Variants in NTM observed in about 807,000 individuals in gnomAD.
The protein encoded by NTM is neurotrimin.
In NTM, 13 loss-of-function variants were observed where a neutral mutation model predicts 42.1. The ratio of observed to expected loss-of-function variants is 0.31; its 90% CI spans 0.20 to 0.49. NTM has a LOEUF of 0.49. NTM is among the 20% of genes least tolerant of loss of function. The pLI is 0.99. For missense variants in NTM, 373 were observed against 452.8 expected (o/e 0.82, Z 1.60); for synonymous variants, 187 against 179.2 (o/e 1.04, Z -0.35).
rs1054888103 is a variant in NTM at position 131,374,151 on chromosome 11, G to C, written c.82+3263G>C. Among the ~76,000 whole-genome samples, 4 of 152,236 alleles carry C rather than the reference G, an allele frequency of 2.6e-5. No individual in the cohort carries two copies. The East Asian group carries it at 7.7e-4, about 29-fold the overall frequency. On this transcript the variant is annotated intron_variant, in intron 1 of 8. Transcript: ENST00000683400. ...ATTGTGGGCTCTTGGAAGCATGGCA[G>C]TAAGGGGAGGGCGTCAGGGAGCCTC...
chr11:131,870,985 T>A (rs2137076576), intron 1 of NTM, among the ~76,000 whole-genome samples: 1 of 152,286 alleles, frequency 6.6e-6, no homozygotes, highest in South Asian at 2.1e-4. Context: ...CTAACCTAAA[T>A]ACAGAATCTA....
rs549656908 is a variant in NTM, at chr11:131,506,263, T to C, written c.82+135375T>C. Among the ~76,000 whole-genome samples the C allele has an allele frequency of 4.6e-5, 7 of 152,312 alleles. No homozygotes were observed. The South Asian group carries it at 1.5e-3, about 32-fold the overall frequency. ...CGGAGGGCTTTTCTCAGGGGGTTTA[T>C]GGACCAAGGACATCTGGTGCCTGAG... On this transcript the variant is annotated intron_variant, in intron 1 of 8. Transcript: ENST00000683400.
chr11:131,448,956 C>T (rs1487408630), intron 1 of NTM, among the ~76,000 whole-genome samples: 1 of 152,180 alleles, frequency 6.6e-6, no homozygotes, highest in Non-Finnish European at 1.5e-5. Context: ...AGCTTTTGTC[C>T]ATCCACTGAG....
At chr11:131,497,264 C>T (rs577892865) in intron 1 of NTM, among the ~76,000 whole-genome samples, 1 of 152,310 alleles carries the variant, frequency 6.6e-6, no homozygotes, top group African/African-American at 2.4e-5. Flanking sequence ...TCTCGGCCCA[C>T]TGCATCCTCT....
chr11:131,866,447 G>A (rs1033019518), intron 1 of NTM, among the ~76,000 whole-genome samples: 23 of 152,238 alleles, frequency 1.5e-4, no homozygotes, highest in Non-Finnish European at 3.2e-4. Flanking sequence ...CCTTAGGCAC[G>A]GGGACCTGCC....
At chr11:131,504,145 C>A (rs1819355158) in intron 1 of NTM, among the ~76,000 whole-genome samples, 1 of 152,132 alleles carries the variant, frequency 6.6e-6, no homozygotes, top group Non-Finnish European at 1.5e-5. Context: ...GTGGCTTGTC[C>A]CTCCACATCC....
At chr11:131,629,546 A>G (rs1301769528) in intron 1 of NTM, among the ~76,000 whole-genome samples, 2 of 152,202 alleles carry the variant, frequency 1.3e-5, no homozygotes, top group South Asian at 4.1e-4. Context: ...GGAGAATGGA[A>G]CACTCTGTTG....
intron 1 of NTM, among the ~76,000 whole-genome samples, chr11:131,471,040 A>G (rs1952386570): frequency 6.6e-6 from 1 of 152,182 alleles, no homozygotes; most frequent in Admixed American, 6.5e-5. Context: ...CTGCAGCCTA[A>G]CATCAAGCTG....
intron 4 of NTM, among the ~76,000 whole-genome samples, chr11:132,272,744 C>T (rs749190809): frequency 9.9e-5 from 15 of 151,940 alleles, no homozygotes; most frequent in Non-Finnish European, 1.6e-4. Context: ...TATTTCTGAG[C>T]TCATTTATTA....
At chr11:131,804,906 C>A (rs2092394022) in intron 1 of NTM, among the ~76,000 whole-genome samples, 1 of 152,096 alleles carries the variant, frequency 6.6e-6, no homozygotes, top group African/African-American at 2.4e-5. Context: ...GACCTTCCTG[C>A]CATGGAAAGA....
intron 4 of NTM, among the ~76,000 whole-genome samples, chr11:132,288,860 A>T (rs1233472508): frequency 6.6e-6 from 1 of 152,092 alleles, no homozygotes; most frequent in Non-Finnish European, 1.5e-5. Context: ...GCCTCAGGTG[A>T]TCCACCCGCC....
chr11:132,256,854 G>A (rs771223567), intron 4 of NTM, among the ~76,000 whole-genome samples: 45 of 152,150 alleles, frequency 3.0e-4, no homozygotes, highest in Admixed American at 5.2e-4. Context: ...TGTTATCGTC[G>A]GGACCCCTAG....
At chr11:132,204,771 G>A (rs1365192588) in intron 3 of NTM, among the ~76,000 whole-genome samples, 1 of 152,128 alleles carries the variant, frequency 6.6e-6, no homozygotes, top group East Asian at 1.9e-4. Flanking sequence ...TCATCTCTCC[G>A]TTCAGTGTGG....
intron 1 of NTM, among the ~76,000 whole-genome samples, chr11:131,898,568 G>A (rs896687038): frequency 1.3e-5 from 2 of 152,192 alleles, no homozygotes; most frequent in African/African-American, 4.8e-5. Context: ...TCTTCCAGCA[G>A]TCTGTAGCCA....
intron 1 of NTM, among the ~76,000 whole-genome samples, chr11:131,796,482 G>A (rs1406290372): frequency 6.6e-6 from 1 of 152,214 alleles, no homozygotes; most frequent in Non-Finnish European, 1.5e-5. Flanking sequence ...CCTTTGCAGG[G>A]AAAATGCCAC....
At chr11:131,903,212 C>T (rs1477865475) in intron 1 of NTM, among the ~76,000 whole-genome samples, 1 of 152,154 alleles carries the variant, frequency 6.6e-6, no homozygotes, top group Non-Finnish European at 1.5e-5. Context: ...ACTCTTCTAA[C>T]CCGGATATTC....
intron 2 of NTM, among the ~76,000 whole-genome samples, chr11:132,078,433 A>C (rs1401806404): frequency 6.6e-6 from 1 of 152,196 alleles, no homozygotes; most frequent in Non-Finnish European, 1.5e-5. Context: ...GCCACCGGTG[A>C]CGCTAGCAGT....
chr11:132,061,220 A>G (rs1037778421), intron 2 of NTM, among the ~76,000 whole-genome samples: 1 of 152,246 alleles, frequency 6.6e-6, no homozygotes, highest in African/African-American at 2.4e-5. Context: ...AGCAGTTATC[A>G]GCTGTTTTGT....
At chr11:131,851,215 C>T (rs1308191220) in intron 1 of NTM, among the ~76,000 whole-genome samples, 3 of 152,008 alleles carry the variant, frequency 2.0e-5, no homozygotes, top group Middle Eastern at 3.2e-3. Context: ...GTGGGGGTTC[C>T]AGTATCCAAA....
Sources: gnomAD v4.1 joint callset for allele counts (sites outside exome capture counted in the v4.1 genomes callset) on GRCh38, gnomAD v4.1.1 for gene constraint, MANE v1.5 for transcripts, NCBI Gene and HGNC (gene_info 2026-07-23, HGNC 2026-07-21) for gene names.